Variants in ADK observed in about 807,000 individuals in gnomAD.
ADK encodes N6,N6-dimethyladenosine kinase.
In ADK, 24 loss-of-function variants were observed where a neutral mutation model predicts 44.7. That is an observed-to-expected ratio of 0.54 (90% CI 0.39 to 0.76). The LOEUF is 0.76. Ranked by LOEUF, ADK falls within the 30% of genes least tolerant of loss-of-function variation. The pLI, the probability that ADK is intolerant of heterozygous loss-of-function variation, is 0.00. For synonymous variants in ADK, 128 were observed against 142.6 expected, an observed-to-expected ratio of 0.90 and a Z score of 0.73; for missense variants, 321 against 425.1, an observed-to-expected ratio of 0.76 and a Z score of 2.15.
intron 4 of ADK, among the ~76,000 whole-genome samples, chr10:74,387,412 A>G (rs1843182582): frequency 6.6e-6 from 1 of 152,208 alleles, no homozygotes; most frequent in Non-Finnish European, 1.5e-5. Flanking sequence ...CAGGTAGAAA[A>G]TCATTAGGAA....
intron 9 of ADK, chr10:74,655,640 C>T: frequency 2.3e-6 from 1 of 439,152 alleles, no homozygotes; most frequent in South Asian, 1.9e-5. Context: ...GATAAAGGCT[C>T]CTTCCAGAGC....
intron 4 of ADK, among the ~76,000 whole-genome samples, chr10:74,334,189 C>G (rs775925254): frequency 6.6e-6 from 1 of 152,134 alleles, no homozygotes; most frequent in African/African-American, 2.4e-5. Flanking sequence ...CCTTGGCAAT[C>G]CCTGCTCTGT....
intron 10 of ADK, among the ~76,000 whole-genome samples, chr10:74,702,791 G>T (rs1856481741): frequency 6.6e-6 from 1 of 151,636 alleles, no homozygotes; most frequent in Non-Finnish European, 1.5e-5. Context: ...TAGAGACGAG[G>T]TTTCACCATG....
chr10:74,427,836 C>T (rs968059291), intron 6 of ADK, among the ~76,000 whole-genome samples: 4 of 151,928 alleles, frequency 2.6e-5, no homozygotes, highest in Non-Finnish European at 4.4e-5. Context: ...ACACACCTAG[C>T]GTTATTTCCC....
At chr10:74,576,316 A>G (rs975896595) in intron 7 of ADK, among the ~76,000 whole-genome samples, 1 of 152,166 alleles carries the variant, frequency 6.6e-6, no homozygotes, top group Admixed American at 6.5e-5. Flanking sequence ...GAGTTGGAAG[A>G]TCCAAAAGAG....
chr10:74,386,020 A>G (rs1843128049), intron 4 of ADK, among the ~76,000 whole-genome samples: 1 of 152,172 alleles, frequency 6.6e-6, no homozygotes, highest in South Asian at 2.1e-4. Context: ...ATTCAGTTAG[A>G]ATAGATTCTT....
intron 9 of ADK, among the ~76,000 whole-genome samples, chr10:74,634,870 G>A (rs1346986083): frequency 6.6e-6 from 1 of 152,100 alleles, no homozygotes; most frequent in Non-Finnish European, 1.5e-5. Flanking sequence ...ACTAGAACCT[G>A]GGAGGTAGAG....
At chr10:74,565,727 C>CAA (rs398014155) in intron 7 of ADK, among the ~76,000 whole-genome samples, 867 of 61,184 alleles carry the variant, frequency 0.014, 31 homozygotes, top group African/African-American at 0.03. Flanking sequence ...AACTCCGTCT[C>CAA]AAAAAAAAAA....
At chr10:74,654,458 G>C (rs1374784756) in intron 9 of ADK, among the ~76,000 whole-genome samples, 1 of 152,190 alleles carries the variant, frequency 6.6e-6, no homozygotes, top group Non-Finnish European at 1.5e-5. Context: ...ATCCTCATGA[G>C]GTGAATCCCA....
intron 6 of ADK, among the ~76,000 whole-genome samples, chr10:74,437,276 CTTAG>C (rs1203279303): frequency 6.6e-6 from 1 of 152,050 alleles, no homozygotes; most frequent in Non-Finnish European, 1.5e-5. Context: ...TCATAGGTTT[CTTAG>C]TTAGATTCAT....
intron 1 of ADK, among the ~76,000 whole-genome samples, chr10:74,179,097 G>C (rs1842448585): frequency 6.6e-6 from 1 of 152,160 alleles, no homozygotes; most frequent in Non-Finnish European, 1.5e-5. Context: ...TTAGAAGTAG[G>C]CAGGGTTAGC....
chr10:74,223,375 C>A (rs1463390972), intron 2 of ADK, among the ~76,000 whole-genome samples: 1 of 152,194 alleles, frequency 6.6e-6, no homozygotes, highest in East Asian at 1.9e-4. Flanking sequence ...AAGGCCCCAG[C>A]TCTCAATATT....
chr10:74,507,279 G>A (rs1031915091), intron 6 of ADK, among the ~76,000 whole-genome samples: 5 of 152,186 alleles, frequency 3.3e-5, no homozygotes, highest in African/African-American at 1.2e-4. Context: ...CCATAAGCAT[G>A]TGAAAAGGCA....
intron 8 of ADK, among the ~76,000 whole-genome samples, chr10:74,594,912 A>G (rs957471309): frequency 6.6e-6 from 1 of 152,210 alleles, no homozygotes; most frequent in Non-Finnish European, 1.5e-5. Context: ...GGTGGCTCCC[A>G]CGCCTGTAAT....
At chr10:74,408,031 G>A (rs1161250131) in intron 6 of ADK, among the ~76,000 whole-genome samples, 1 of 151,878 alleles carries the variant, frequency 6.6e-6, no homozygotes, top group Non-Finnish European at 1.5e-5. Context: ...CCAGGCTGGA[G>A]TGCAGTGACA....
At chr10:74,418,909 A>G (rs2133007670) in intron 6 of ADK, among the ~76,000 whole-genome samples, 1 of 152,334 alleles carries the variant, frequency 6.6e-6, no homozygotes, top group Middle Eastern at 3.4e-3. Context: ...TGTACTTCTC[A>G]TTGAAGTAGA....
At chr10:74,347,418 A>G (rs1387862672) in intron 4 of ADK, among the ~76,000 whole-genome samples, 8 of 152,042 alleles carry the variant, frequency 5.3e-5, no homozygotes, top group South Asian at 2.1e-4. Flanking sequence ...GGTTTTTGCA[A>G]TCCGCAGATC....
chr10:74,188,071 A>AG (rs1395971095), intron 1 of ADK, among the ~76,000 whole-genome samples: 3 of 152,182 alleles, frequency 2.0e-5, no homozygotes, highest in Non-Finnish European at 2.9e-5. Context: ...CTGATATATA[A>AG]GCATTCAGGT....
chr10:74,299,332 TAA>T (rs35091445), intron 3 of ADK, among the ~76,000 whole-genome samples: 4 of 134,262 alleles, frequency 3.0e-5, no homozygotes, highest in African/African-American at 2.8e-5. Context: ...CATCTCTACT[TAA>T]AAAAAAAAAA....
Sources: gnomAD v4.1 joint callset for allele counts (sites outside exome capture counted in the v4.1 genomes callset) on GRCh38, gnomAD v4.1.1 for gene constraint, MANE v1.5 for transcripts, NCBI Gene and HGNC (gene_info 2026-07-23, HGNC 2026-07-21) for gene names.